SUCO: variants seen among roughly 807,000 people sequenced by gnomAD.
SUCO encodes the protein SUN domain-containing ossification factor.
In SUCO, 57 loss-of-function variants were observed where a neutral mutation model predicts 148.1. That is an observed-to-expected ratio of 0.38 (90% CI 0.31 to 0.48). SUCO has a LOEUF of 0.48. SUCO is among the 20% of genes least tolerant of loss of function. The probability of loss-of-function intolerance (pLI) is 0.96; values close to 1 mark genes in which losing one functional copy is unlikely to be tolerated. For synonymous variants in SUCO, 470 were observed against 502.7 expected (o/e 0.93, Z 0.87); for missense variants, 1,331 against 1,468.2 (o/e 0.91, Z 1.53).
At position 172,551,542 on chromosome 1, in the gene SUCO, G is replaced by A; in HGVS notation, c.93G>A (p.Glu31=). 1.2e-6 allele frequency: 2 copies of A among 1,610,444 alleles called. No homozygotes were observed. The highest frequency in any genetic ancestry group is 1.7e-6 in the Non-Finnish European group (2 of 1,178,170). ...WLPSWRVCCK[E]SSSASASSYY... ...CCAGCTGGCGTGTATGTTGTAAAGA[G>A]AGTTCTTCAGCTTCAGCGTCATCAT... Residue 31 remains glutamate (E), a synonymous_variant, in exon 2 of 24, where the codon GAG becomes GAA. Coordinates refer to ENST00000263688, the MANE Select transcript of SUCO (RefSeq NM_014283.5).
chr1:172,597,770 GTTAT>G (rs35191141), intron 19 of SUCO, among the ~76,000 whole-genome samples: 29,561 of 151,930 alleles, frequency 0.19, 3,214 homozygotes, highest in South Asian at 0.27. Context: ...TTTCTAAAAG[GTTAT>G]TTGGGTCTCG....
chr1:172,609,796 T>C lies in SUCO; in HGVS notation c.3322-20T>C. The C allele has an allele frequency of 6.3e-7, 1 of 1,575,632 alleles. No individual in the cohort carries two copies. Among genetic ancestry groups the C allele is most frequent in the Non-Finnish European group, 8.6e-7 (1 of 1,166,744 alleles). On this transcript the variant is annotated intron_variant, in intron 23 of 23. Transcript: ENST00000263688. Reference sequence around the variant, plus strand: ...CTATGGGAAGTATCATTACTAACTTTTCTTTTACTTGTGTTGTAGAAGAAG... The same window carrying C: ...CTATGGGAAGTATCATTACTAACTTCTCTTTTACTTGTGTTGTAGAAGAAG...
At chr1:172,555,584 G>A (rs375049502) in intron 3 of SUCO, among the ~76,000 whole-genome samples, 27 of 152,284 alleles carry the variant, frequency 1.8e-4, no homozygotes, top group African/African-American at 6.5e-4. Flanking sequence ...TTAGAGAAGA[G>A]GGAAATCTCT....
chr1:172,585,179 T>G, intron 16 of SUCO, 93 bp downstream of exon 16: 4 of 1,032,412 alleles, frequency 3.9e-6, no homozygotes, highest in Admixed American at 2.9e-5. Flanking sequence ...AAAATTTGAT[T>G]GTTTACATTT....
At chr1:172,602,926 G>C in intron 22 of SUCO, 139 bp downstream of exon 22, 1 of 693,104 alleles carries the variant, frequency 1.4e-6, no homozygotes, top group South Asian at 2.0e-5. Flanking sequence ...GCTGTGTCAA[G>C]CCACTTTATC....
At chr1:172,572,440 C>T (rs2149247544) in intron 9 of SUCO, among the ~76,000 whole-genome samples, 1 of 151,964 alleles carries the variant, frequency 6.6e-6, no homozygotes, top group African/African-American at 2.4e-5. Flanking sequence ...TGTGTCCACT[C>T]AGGGTTAAAT....
At chr1:172,592,972 C>G (rs1185648828) in intron 19 of SUCO, among the ~76,000 whole-genome samples, 1 of 151,950 alleles carries the variant, frequency 6.6e-6, no homozygotes, top group Non-Finnish European at 1.5e-5. Flanking sequence ...GTTTGTAGTT[C>G]TTGAAGAGTT....
chr1:172,585,929 ACTCCTGTTCCAT>A lies in SUCO; in HGVS notation c.1646_1657del (p.Val549_Pro552del). On this transcript the variant is annotated inframe_deletion, in exon 17 of 24. Coordinates refer to ENST00000263688, the MANE Select transcript of SUCO (RefSeq NM_014283.5). Reference sequence around the variant, plus strand: ...AATGCCTGAATCAACTCCTGTTTCAACTCCTGTTCCATCTCCTGAGTAAGTTATAATGTGATA... The same window carrying A: ...AATGCCTGAATCAACTCCTGTTTCAACTCCTGAGTAAGTTATAATGTGATA... 3 of 1,608,226 alleles carry A rather than the reference ACTCCTGTTCCAT, an allele frequency of 1.9e-6. No individual in the cohort carries two copies. Among genetic ancestry groups the A allele is most frequent in the Non-Finnish European group, 2.6e-6 (3 of 1,176,358 alleles).
Position 172,553,385 on chromosome 1 carries a change from T to C in SUCO, c.288+15T>C. On this transcript the variant is annotated intron_variant, in intron 3 of 23. Coordinates refer to ENST00000263688, the MANE Select transcript of SUCO (RefSeq NM_014283.5). ...TGGATGTACAAGTAAGCTATGTCGC[T>C]TTGATTTTCAATAATATGTCATTTC... 6.5e-7 allele frequency: 1 copy of C among 1,537,944 alleles called. No individual in the cohort carries two copies. Among genetic ancestry groups the C allele is most frequent in the Non-Finnish European group, 8.9e-7 (1 of 1,125,654 alleles).
Position 172,578,277 on chromosome 1 carries a change from TAATG to T in SUCO, c.1341-18_1341-15del. ...ACGAGTGTTTTGTTTTGGAAGTCTT[TAATG>T]AAATTGTTGTTGATAGGGTATTTGG... On this transcript the variant is annotated splice_polypyrimidine_tract_variant and intron_variant, in intron 13 of 23. Coordinates refer to ENST00000263688, the MANE Select transcript of SUCO (RefSeq NM_014283.5). 1 of 1,542,636 alleles carries T rather than the reference TAATG, an allele frequency of 6.5e-7. No individual in the cohort carries two copies. The highest frequency in any genetic ancestry group is 9.0e-7 in the Non-Finnish European group (1 of 1,115,938).
intron 5 of SUCO, 36 bp downstream of exon 5, chr1:172,557,453 C>T: frequency 6.2e-7 from 1 of 1,612,412 alleles, no homozygotes; most frequent in Middle Eastern, 1.7e-4. Context: ...TCTTATGATT[C>T]TGTAATAACA....
chr1:172,543,179 A>G (rs891831806), intron 1 of SUCO: 1 of 211,992 alleles, frequency 4.7e-6, no homozygotes, highest in Non-Finnish European at 8.1e-6. Flanking sequence ...GGCTCCTTGA[A>G]GGATAAAACT....
At position 172,573,912 on chromosome 1, in the gene SUCO, A is replaced by G; in HGVS notation, c.1071A>G (p.Glu357=). The G allele has an allele frequency of 6.3e-7, 1 of 1,593,372 alleles. No individual in the cohort carries two copies. The highest frequency in any genetic ancestry group is 8.6e-7 in the Non-Finnish European group (1 of 1,164,724). ...TKIWFVIELC[E]PIQVKQLDIA... ...GAAGGTTTGTTATTGAACTTTGTGA[A>G]CCAATTCAAGTAAAACAGCTTGATA... The change falls in exon 10 of 24, where the codon GAA becomes GAG. Residue 357 remains glutamate, a synonymous_variant. Coordinates refer to ENST00000263688, the MANE Select transcript of SUCO (RefSeq NM_014283.5).
chr1:172,583,060 G>A (rs975733293), intron 15 of SUCO, among the ~76,000 whole-genome samples: 2 of 152,106 alleles, frequency 1.3e-5, no homozygotes, highest in African/African-American at 4.8e-5. Flanking sequence ...CACAATTTGG[G>A]TTTTGTGAAG....
chr1:172,579,466 A>G (rs889525651), intron 15 of SUCO, among the ~76,000 whole-genome samples, 199 bp downstream of exon 15: 2 of 152,200 alleles, frequency 1.3e-5, no homozygotes, highest in South Asian at 2.1e-4. Flanking sequence ...GACAAATGCA[A>G]TCGTAATAAA....
chr1:172,578,082 T>C (rs898384270), intron 13 of SUCO, among the ~76,000 whole-genome samples: 2 of 151,938 alleles, frequency 1.3e-5, no homozygotes, highest in Non-Finnish European at 2.9e-5. Flanking sequence ...TAGACTGATA[T>C]GAAAACTCAT....
Position 172,565,925 on chromosome 1 carries a change from G to A in SUCO, c.733-3094G>A, listed in dbSNP as rs142589364. Among the ~76,000 whole-genome samples the A allele has an allele frequency of 2.5e-3, 382 of 152,228 alleles. 1 individual carries two copies. The highest frequency in any genetic ancestry group is 8.7e-3 in the African/African-American group (361 of 41,534). On this transcript the variant is annotated intron_variant, in intron 6 of 23. Coordinates refer to ENST00000263688, the MANE Select transcript of SUCO (RefSeq NM_014283.5). ...AGCTTACCTGATAATTATGGGGGGT[G>A]GTAGAGGGGACACACCCATCCACAG...
intron 19 of SUCO, among the ~76,000 whole-genome samples, chr1:172,597,180 A>G (rs1657169351): frequency 6.6e-6 from 1 of 152,204 alleles, no homozygotes; most frequent in East Asian, 1.9e-4. Context: ...TCCAGGTACC[A>G]TCTGTCACAG....
chr1:172,583,408 G>A (rs527940185), intron 15 of SUCO, among the ~76,000 whole-genome samples: 10 of 152,092 alleles, frequency 6.6e-5, no homozygotes, highest in African/African-American at 1.7e-4. Context: ...GACTTTCAGC[G>A]TATACACTCA....
Sources: allele counts gnomAD v4.1 joint callset (sites outside exome capture counted in the v4.1 genomes callset), GRCh38; gene constraint gnomAD v4.1.1; transcripts MANE v1.5; gene names NCBI Gene and HGNC (gene_info 2026-07-23, HGNC 2026-07-21).